PARN: variants seen among roughly 807,000 people sequenced by gnomAD.
The protein encoded by PARN is poly(A)-specific ribonuclease PARN.
A neutral mutation model predicts 102.8 loss-of-function variants in PARN; 71 were observed. The ratio of observed to expected loss-of-function variants is 0.69; its 90% CI spans 0.57 to 0.84. PARN has a LOEUF of 0.84. PARN is among the 40% of genes least tolerant of loss of function. The pLI is 0.00. For synonymous variants in PARN, 261 were observed against 252.9 expected (o/e 1.03, Z -0.30); for missense variants, 782 against 760.9 (o/e 1.03, Z -0.33).
chr16:14,612,798 T>C (rs981372087), intron 6 of PARN, among the ~76,000 whole-genome samples: 2 of 151,744 alleles, frequency 1.3e-5, no homozygotes, highest in Non-Finnish European at 2.9e-5. Flanking sequence ...GGTTTCAACA[T>C]GTTGGCCAGG....
At chr16:14,501,154 C>A (rs1432665395) in intron 21 of PARN, among the ~76,000 whole-genome samples, 2 of 151,328 alleles carry the variant, frequency 1.3e-5, no homozygotes, top group African/African-American at 4.9e-5. Flanking sequence ...AAGAGAAAAG[C>A]GAGCAGGTTG....
At chr16:14,617,752 G>A in intron 5 of PARN, 102 bp from the exon 6 acceptor site, 2 of 745,274 alleles carry the variant, frequency 2.7e-6, no homozygotes, top group East Asian at 2.5e-5. Context: ...GACAATATGG[G>A]AAGGAAGCGA....
At chr16:14,570,243 G>A (rs1295594797) in intron 18 of PARN, among the ~76,000 whole-genome samples, 1 of 150,690 alleles carries the variant, frequency 6.6e-6, no homozygotes. Flanking sequence ...GGAGGCTGGG[G>A]CAGGAGAATT....
chr16:14,514,745 G>A (rs1271850969), intron 21 of PARN, among the ~76,000 whole-genome samples: 1 of 152,090 alleles, frequency 6.6e-6, no homozygotes, highest in Non-Finnish European at 1.5e-5. Context: ...TCTGTAATTC[G>A]GCCAGAAGGC....
chr16:14,551,264 C>T (rs1413809204), intron 21 of PARN, among the ~76,000 whole-genome samples: 1 of 150,828 alleles, frequency 6.6e-6, no homozygotes, highest in Non-Finnish European at 1.5e-5. Context: ...ATAAAATATT[C>T]AGTTTATTTG....
At chr16:14,583,384 G>A (rs1969646659) in intron 16 of PARN, among the ~76,000 whole-genome samples, 1 of 152,122 alleles carries the variant, frequency 6.6e-6, no homozygotes, top group Non-Finnish European at 1.5e-5. Flanking sequence ...TCAATACAAT[G>A]CTCTTTAAGC....
intron 5 of PARN, among the ~76,000 whole-genome samples, chr16:14,624,479 T>C (rs1255155188): frequency 6.6e-6 from 1 of 152,230 alleles, no homozygotes; most frequent in Non-Finnish European, 1.5e-5. Flanking sequence ...AAGTCTATGA[T>C]AGCTTTTTTT....
chr16:14,446,753 T>C, intron 23 of PARN, 135 bp downstream of exon 23: 1 of 591,734 alleles, frequency 1.7e-6, no homozygotes, highest in Non-Finnish European at 2.9e-6. Flanking sequence ...ATCCTAAAAA[T>C]ATCTGCTTTG....
intron 21 of PARN, among the ~76,000 whole-genome samples, chr16:14,503,753 A>G (rs1451121404): frequency 6.6e-6 from 1 of 152,222 alleles, no homozygotes; most frequent in Non-Finnish European, 1.5e-5. Context: ...CACGCTGCCA[A>G]TGCTGTAGGC....
At chr16:14,438,534 A>T (rs1567279591) in intron 23 of PARN, among the ~76,000 whole-genome samples, 1 of 151,838 alleles carries the variant, frequency 6.6e-6, no homozygotes, top group African/African-American at 2.4e-5. Context: ...ATAAGCAAAA[A>T]GTTCTGGAGT....
chr16:14,566,155 G>T (rs770384452), intron 18 of PARN, among the ~76,000 whole-genome samples: 1 of 152,148 alleles, frequency 6.6e-6, no homozygotes, highest in Non-Finnish European at 1.5e-5. Context: ...TGGAACCTCT[G>T]AGTGCTACCT....
At chr16:14,554,650 C>T (rs1040711502) in intron 19 of PARN, among the ~76,000 whole-genome samples, 3 of 151,624 alleles carry the variant, frequency 2.0e-5, no homozygotes, top group Non-Finnish European at 4.4e-5. Context: ...CGCTATGCTG[C>T]CCACGCTGGT....
At chr16:14,462,604 G>C (rs1392466119) in intron 22 of PARN, among the ~76,000 whole-genome samples, 3 of 151,062 alleles carry the variant, frequency 2.0e-5, no homozygotes, top group African/African-American at 7.3e-5. Context: ...AGAGAAAAAA[G>C]AATATTCTCG....
chr16:14,456,088 ACT>A (rs1303902746), intron 22 of PARN, among the ~76,000 whole-genome samples: 1 of 151,594 alleles, frequency 6.6e-6, no homozygotes, highest in East Asian at 1.9e-4. Context: ...GTATTCTTGG[ACT>A]CTCTATTCTA....
At chr16:14,503,133 C>T (rs1323866560) in intron 21 of PARN, among the ~76,000 whole-genome samples, 2 of 152,078 alleles carry the variant, frequency 1.3e-5, no homozygotes, top group Admixed American at 6.5e-5. Context: ...AGAAGAACCT[C>T]CCCCCACAGA....
intron 3 of PARN, 142 bp downstream of exon 3, chr16:14,628,030 A>C: frequency 3.1e-6 from 2 of 654,856 alleles, no homozygotes; most frequent in Non-Finnish European, 5.4e-6. Context: ...AAACAAAAAA[A>C]AAAATCACTT....
chr16:14,571,954 A>G (rs969091919), intron 18 of PARN, among the ~76,000 whole-genome samples: 8 of 152,218 alleles, frequency 5.3e-5, no homozygotes, highest in African/African-American at 1.9e-4. Flanking sequence ...TAAATATTTA[A>G]ATTCAAATGG....
At chr16:14,590,433 G>A (rs1003138428) in intron 13 of PARN, among the ~76,000 whole-genome samples, 2 of 150,840 alleles carry the variant, frequency 1.3e-5, no homozygotes, top group South Asian at 2.1e-4. Context: ...TGAGGCGTTC[G>A]AGACCAGCCA....
At chr16:14,568,331 G>C (rs1968561124) in intron 18 of PARN, among the ~76,000 whole-genome samples, 1 of 149,972 alleles carries the variant, frequency 6.7e-6, no homozygotes, top group Admixed American at 6.7e-5. Context: ...TTCCGCTTCA[G>C]CCTCCCGAGT....
Sources: allele counts gnomAD v4.1 joint callset (sites outside exome capture counted in the v4.1 genomes callset), GRCh38; gene constraint gnomAD v4.1.1; transcripts MANE v1.5; gene names NCBI Gene and HGNC (gene_info 2026-07-23, HGNC 2026-07-21).